Variants in PDE3A observed in about 807,000 individuals in gnomAD.
The protein encoded by PDE3A is phosphodiesterase 3A, also known as cGMP-inhibited 3',5'-cyclic phosphodiesterase 3A.
A neutral mutation model predicts 98.3 loss-of-function variants in PDE3A; 43 were observed. That is an observed-to-expected ratio of 0.44 (90% CI 0.34 to 0.56). The LOEUF (loss-of-function observed/expected upper bound fraction) is 0.56. Among genes scored for constraint, PDE3A ranks in the 20% least tolerant of loss-of-function variants. The pLI is 0.01. For synonymous variants in PDE3A, 663 were observed against 567.9 expected (o/e 1.17, Z -2.38); for missense variants, 1,427 against 1,440.7 (o/e 0.99, Z 0.15).
chr12:20,539,705 A>G (rs986730531), intron 1 of PDE3A, among the ~76,000 whole-genome samples: 1 of 152,090 alleles, frequency 6.6e-6, no homozygotes, highest in African/African-American at 2.4e-5. Context: ...TTGAAGTGAC[A>G]CCCGAAGAAT....
chr12:20,556,341 A>T (rs972579612), intron 1 of PDE3A, among the ~76,000 whole-genome samples: 17 of 152,164 alleles, frequency 1.1e-4, no homozygotes, highest in African/African-American at 4.1e-4. Flanking sequence ...ATATTTTCTT[A>T]AAAAGCTAAA....
intron 5 of PDE3A, among the ~76,000 whole-genome samples, chr12:20,622,887 G>A (rs1028381025): frequency 6.6e-6 from 1 of 152,048 alleles, no homozygotes; most frequent in Admixed American, 6.6e-5. Flanking sequence ...TTCAAACATG[G>A]AGCTTACAAC....
At chr12:20,472,889 C>T (rs950321479) in intron 1 of PDE3A, among the ~76,000 whole-genome samples, 1 of 152,120 alleles carries the variant, frequency 6.6e-6, no homozygotes, top group African/African-American at 2.4e-5. Context: ...TTCAGATTCA[C>T]CTTTTTAAAT....
intron 1 of PDE3A, among the ~76,000 whole-genome samples, chr12:20,523,452 C>T (rs1946465374): frequency 6.6e-6 from 1 of 152,184 alleles, no homozygotes; most frequent in Non-Finnish European, 1.5e-5. Flanking sequence ...TCTCTAATTT[C>T]CTTTTCCTCT....
intron 1 of PDE3A, among the ~76,000 whole-genome samples, chr12:20,372,695 A>G (rs1943498714): frequency 6.6e-6 from 1 of 152,172 alleles, no homozygotes; most frequent in African/African-American, 2.4e-5. Flanking sequence ...TAATTATAAA[A>G]TAAGTATATA....
At chr12:20,591,389 T>C (rs1164494524) in intron 2 of PDE3A, among the ~76,000 whole-genome samples, 1 of 152,250 alleles carries the variant, frequency 6.6e-6, no homozygotes, top group Non-Finnish European at 1.5e-5. Context: ...AACTGTCATC[T>C]GATCTGACTT....
At chr12:20,612,119 C>T (rs1943871950) in intron 2 of PDE3A, among the ~76,000 whole-genome samples, 2 of 151,810 alleles carry the variant, frequency 1.3e-5, no homozygotes, top group South Asian at 4.2e-4. Flanking sequence ...TGTTTTTCCT[C>T]ACTACTCGTT....
chr12:20,413,991 T>C (rs1336615761), intron 1 of PDE3A, among the ~76,000 whole-genome samples: 2 of 152,172 alleles, frequency 1.3e-5, no homozygotes, highest in African/African-American at 4.8e-5. Context: ...ACAATAGCTT[T>C]CAGGTTTATA....
chr12:20,455,991 A>AT (rs1054750466), intron 1 of PDE3A, among the ~76,000 whole-genome samples: 13 of 152,106 alleles, frequency 8.5e-5, no homozygotes, highest in Admixed American at 2.6e-4. Flanking sequence ...AATAGATGGT[A>AT]TTTTTCCTTA....
chr12:20,462,129 C>T (rs989889825), intron 1 of PDE3A, among the ~76,000 whole-genome samples: 5 of 152,084 alleles, frequency 3.3e-5, no homozygotes, highest in Admixed American at 6.6e-5. Context: ...GAAAAGTGTT[C>T]TTCTCATTGA....
chr12:20,664,419 T>G (rs1198212422), intron 15 of PDE3A, among the ~76,000 whole-genome samples: 1 of 152,208 alleles, frequency 6.6e-6, no homozygotes, highest in Non-Finnish European at 1.5e-5. Flanking sequence ...ACCAGCTGCC[T>G]ACTTTACCTC....
intron 1 of PDE3A, among the ~76,000 whole-genome samples, chr12:20,485,017 A>G (rs1415812198): frequency 3.3e-5 from 5 of 152,198 alleles, no homozygotes; most frequent in African/African-American, 1.2e-4. Flanking sequence ...ATTGAGATCA[A>G]AAGTAGCATG....
intron 15 of PDE3A, among the ~76,000 whole-genome samples, chr12:20,664,294 GCTGAACTTCTGAACTC>G (rs1945253546): frequency 6.6e-6 from 1 of 152,114 alleles, no homozygotes; most frequent in Non-Finnish European, 1.5e-5. Flanking sequence ...GAGGATCTTA[GCTGAACTTCTGAACTC>G]TTGGCTCAAG....
chr12:20,574,556 C>T (rs1188917383), intron 2 of PDE3A, among the ~76,000 whole-genome samples: 2 of 151,908 alleles, frequency 1.3e-5, no homozygotes, highest in Non-Finnish European at 2.9e-5. Flanking sequence ...GGAATAAACA[C>T]TCTTATTTAG....
rs1237596737 is a variant in PDE3A, at chr12:20,685,124, A to AT, written c.*4858dup. Among the ~76,000 whole-genome samples, 1 of 152,168 alleles carries AT rather than the reference A, an allele frequency of 6.6e-6. No individual in the cohort carries two copies. The highest frequency in any genetic ancestry group is 1.5e-5 in the Non-Finnish European group (1 of 68,022). ...CTAACAATGGTGAAGTAAAATGAACATTTTTGGGCCGGGCGCAGTGGCTCA... is the reference window on the plus strand; with the variant it reads ...CTAACAATGGTGAAGTAAAATGAACATTTTTTGGGCCGGGCGCAGTGGCTCA... On this transcript the variant is annotated 3_prime_UTR_variant, in exon 16 of 16. Coordinates refer to ENST00000359062, the MANE Select transcript of PDE3A (RefSeq NM_000921.5).
At chr12:20,476,031 G>C (rs1945526050) in intron 1 of PDE3A, among the ~76,000 whole-genome samples, 1 of 152,186 alleles carries the variant, frequency 6.6e-6, no homozygotes, top group Non-Finnish European at 1.5e-5. Flanking sequence ...CATGCTACAA[G>C]TTTATGCCTG....
At chr12:20,477,223 C>T (rs921737106) in intron 1 of PDE3A, among the ~76,000 whole-genome samples, 1 of 152,136 alleles carries the variant, frequency 6.6e-6, no homozygotes, top group Non-Finnish European at 1.5e-5. Flanking sequence ...CCTTTTGAAA[C>T]AAAGAAATCC....
At chr12:20,626,914 C>T (rs532360823) in intron 5 of PDE3A, among the ~76,000 whole-genome samples, 1 of 152,172 alleles carries the variant, frequency 6.6e-6, no homozygotes, top group Admixed American at 6.5e-5. Context: ...GTCTTAAAAT[C>T]TGCTTGTTTG....
In PDE3A at chr12:20,553,749, C is replaced by T. The variant is rs149150209; in HGVS notation, c.961-2911C>T. 5.2e-3 allele frequency among the ~76,000 whole-genome samples: 797 copies of T among 152,334 alleles called. 8 individuals carry two copies. The highest frequency in any genetic ancestry group is 0.018 in the African/African-American group (766 of 41,574). The stretch of plus-strand genomic sequence containing the variant: ...TGACGCTGTCCGACGAAGGCGGCCA[C>T]GGACGGACGCCAGCACATGAAGTCA... On this transcript the variant is annotated intron_variant, in intron 1 of 15. Coordinates refer to ENST00000359062, the MANE Select transcript of PDE3A (RefSeq NM_000921.5).
Sources: allele counts gnomAD v4.1 joint callset (sites outside exome capture counted in the v4.1 genomes callset), GRCh38; gene constraint gnomAD v4.1.1; transcripts MANE v1.5; gene names NCBI Gene and HGNC (gene_info 2026-07-23, HGNC 2026-07-21).